DLG2: variants seen among roughly 807,000 people sequenced by gnomAD.
DLG2 encodes the protein disks large homolog 2.
Under a neutral mutation model 132.5 loss-of-function variants are expected in DLG2, and 45 were observed. The ratio of observed to expected loss-of-function variants is 0.34; its 90% CI spans 0.27 to 0.44. The LOEUF is 0.44. DLG2 is among the 20% of genes least tolerant of loss of function. The pLI is 1.00. For missense variants in DLG2, 1,045 were observed against 1,196.9 expected, an observed-to-expected ratio of 0.87 and a Z score of 1.87; for synonymous variants, 424 against 419.6, an observed-to-expected ratio of 1.01 and a Z score of -0.13.
chr11:84,720,538 G>A (rs1422987734), intron 6 of DLG2: 12 of 964,290 alleles, frequency 1.2e-5, no homozygotes, highest in Non-Finnish European at 1.5e-5. Context: ...GAGCCCCGGT[G>A]GAAGCAACGC....
chr11:84,317,055 C>T (rs1411504592), intron 7 of DLG2: 2 of 1,612,772 alleles, frequency 1.2e-6, no homozygotes, highest in African/African-American at 1.3e-5. Flanking sequence ...GCACAGTGGG[C>T]ATCCCTGATC....
intron 8 of DLG2, among the ~76,000 whole-genome samples, chr11:84,226,376 A>G (rs181016589): frequency 3.1e-4 from 47 of 152,298 alleles, no homozygotes; most frequent in African/African-American, 1.1e-3. Context: ...TTAAACAGGT[A>G]CTCCCTAAAA....
chr11:84,067,380 A>G (rs949217847), intron 10 of DLG2, among the ~76,000 whole-genome samples: 3 of 152,154 alleles, frequency 2.0e-5, no homozygotes, highest in Non-Finnish European at 4.4e-5. Context: ...GTTCAAAAGG[A>G]ATAATTCCAC....
At chr11:84,052,012 A>G (rs1477417404) in intron 11 of DLG2, among the ~76,000 whole-genome samples, 1 of 151,812 alleles carries the variant, frequency 6.6e-6, no homozygotes, top group Middle Eastern at 3.2e-3. Context: ...CATATGGGTG[A>G]GGGGCGAGTG....
At chr11:83,782,717 T>G (rs1303493712) in intron 18 of DLG2, among the ~76,000 whole-genome samples, 1 of 152,020 alleles carries the variant, frequency 6.6e-6, no homozygotes, top group East Asian at 1.9e-4. Flanking sequence ...AGGCTGATAC[T>G]GTGGGTGGTG....
At chr11:85,605,914 G>T (rs2080499879) in intron 2 of DLG2, among the ~76,000 whole-genome samples, 1 of 152,066 alleles carries the variant, frequency 6.6e-6, no homozygotes, top group Non-Finnish European at 1.5e-5. Context: ...GGAGGCGGAG[G>T]TTGAAGTGAG....
intron 5 of DLG2, 59 bp downstream of exon 5, chr11:85,154,497 G>T: frequency 2.3e-6 from 2 of 870,628 alleles, no homozygotes; most frequent in South Asian, 3.3e-5. Flanking sequence ...TATCCACAAA[G>T]AACAAGACAA....
chr11:83,853,376 A>G (rs147445928), intron 16 of DLG2, among the ~76,000 whole-genome samples: 46 of 152,202 alleles, frequency 3.0e-4, no homozygotes, highest in African/African-American at 1.1e-3. Context: ...GATTATCCTA[A>G]TTATCACACT....
chr11:85,179,082 G>T (rs2079524057), intron 4 of DLG2, among the ~76,000 whole-genome samples: 1 of 151,754 alleles, frequency 6.6e-6, no homozygotes, highest in Non-Finnish European at 1.5e-5. Context: ...CTGAAAATCA[G>T]CAGGAATAAA....
chr11:84,906,736 A>G (rs2091561211), intron 6 of DLG2, among the ~76,000 whole-genome samples: 1 of 152,128 alleles, frequency 6.6e-6, no homozygotes, highest in Non-Finnish European at 1.5e-5. Context: ...AAAAATGGAA[A>G]TAGTGAGGCC....
intron 4 of DLG2, among the ~76,000 whole-genome samples, chr11:85,180,130 G>C (rs1191720731): frequency 6.6e-6 from 1 of 151,730 alleles, no homozygotes; most frequent in Non-Finnish European, 1.5e-5. Flanking sequence ...ATGCCAGCAG[G>C]ATTATTTTAA....
At chr11:85,216,740 A>G (rs1309009314) in intron 4 of DLG2, among the ~76,000 whole-genome samples, 1 of 151,936 alleles carries the variant, frequency 6.6e-6, no homozygotes, top group African/African-American at 2.4e-5. Flanking sequence ...TCTGTCACCC[A>G]GGCTGGAGTG....
intron 6 of DLG2, among the ~76,000 whole-genome samples, chr11:84,801,706 GTGT>G (rs1185717043): frequency 1.3e-5 from 2 of 152,172 alleles, no homozygotes; most frequent in African/African-American, 4.8e-5. Flanking sequence ...GTGAAAAGAG[GTGT>G]TGTGATCATC....
chr11:85,063,677 G>T (rs1383534492), intron 6 of DLG2, among the ~76,000 whole-genome samples: 2 of 151,808 alleles, frequency 1.3e-5, no homozygotes, highest in Admixed American at 1.3e-4. Flanking sequence ...GCAGCTAAAT[G>T]AGTTTTTTTT....
At chr11:84,296,586 A>T (rs2098091368) in intron 7 of DLG2, among the ~76,000 whole-genome samples, 1 of 152,046 alleles carries the variant, frequency 6.6e-6, no homozygotes, top group Non-Finnish European at 1.5e-5. Flanking sequence ...CTACAGGTGT[A>T]TACCACCATG....
At chr11:85,285,983 T>TA (rs768340570) in intron 3 of DLG2, 3 of 327,278 alleles carry the variant, frequency 9.2e-6, no homozygotes, top group Non-Finnish European at 1.2e-5. Context: ...AAAAATCATG[T>TA]AGGAAGTCAG....
chr11:84,785,634 C>T (rs1352629953), intron 6 of DLG2, among the ~76,000 whole-genome samples: 1 of 152,034 alleles, frequency 6.6e-6, no homozygotes, highest in African/African-American at 2.4e-5. Flanking sequence ...ATGTTTTATT[C>T]TTCCTATTGA....
intron 6 of DLG2, among the ~76,000 whole-genome samples, chr11:84,680,041 C>A (rs1418203701): frequency 6.6e-6 from 1 of 152,092 alleles, no homozygotes; most frequent in Non-Finnish European, 1.5e-5. Context: ...TATCAGGTTT[C>A]CAAATAAGCA....
At chr11:84,899,012 A>G (rs1357206740) in intron 6 of DLG2, among the ~76,000 whole-genome samples, 1 of 152,088 alleles carries the variant, frequency 6.6e-6, no homozygotes, top group African/African-American at 2.4e-5. Flanking sequence ...GCTTGTGCAG[A>G]AGCTACATGG....
Sources: gnomAD v4.1 joint callset for allele counts (sites outside exome capture counted in the v4.1 genomes callset) on GRCh38, gnomAD v4.1.1 for gene constraint, MANE v1.5 for transcripts, NCBI Gene and HGNC (gene_info 2026-07-23, HGNC 2026-07-21) for gene names.